Variants in GALNT18 observed in about 807,000 individuals in gnomAD.
GALNT18 encodes GalNAc-transferase 18.
In GALNT18, 44 loss-of-function variants were observed where a neutral mutation model predicts 69.5. The observed-to-expected ratio is 0.63, with a 90% CI of 0.50 to 0.81. The LOEUF (loss-of-function observed/expected upper bound fraction) is 0.81. GALNT18 is among the 40% of genes least tolerant of loss of function. The pLI is 0.00. For synonymous variants in GALNT18, 364 were observed against 318.2 expected, an observed-to-expected ratio of 1.14 and a Z score of -1.53; for missense variants, 715 against 810.0, an observed-to-expected ratio of 0.88 and a Z score of 1.42.
rs1411357710 is a variant in GALNT18, at chr11:11,337,960, GATTTTTTT to G, written c.1278+2851_1278+2858del. 1.5e-5 allele frequency among the ~76,000 whole-genome samples: 2 copies of G among 134,996 alleles called. No individual in the cohort carries two copies. Among genetic ancestry groups the G allele is most frequent in the Admixed American group, 7.9e-5 (1 of 12,720 alleles). 88.6% of individuals were successfully genotyped at this position (134,996 alleles called of 152,430 possible). ...TTGTACATAGCAGGAGTCATTTAAA[GATTTTTTT>G]TTTTTTTTTTTTTTTGAGACAGTCT... On this transcript the variant is annotated intron_variant, in intron 7 of 10. Coordinates refer to ENST00000227756, the MANE Select transcript of GALNT18 (RefSeq NM_198516.3). This position sits in a 1 kb window ranked among gnomAD's most constrained non-coding sequence, Gnocchi z 4.9.
intron 1 of GALNT18, among the ~76,000 whole-genome samples, chr11:11,460,659 G>A (rs555077251): frequency 1.0e-4 from 15 of 149,466 alleles, no homozygotes; most frequent in African/African-American, 3.6e-4. Flanking sequence ...TGAGGCAGTC[G>A]CCCTCCTGCC....
In GALNT18 at chr11:11,480,258, CTCTCTCTT is replaced by C. The variant is rs1433783078; in HGVS notation, c.236-31330_236-31323del. Among the ~76,000 whole-genome samples the C allele has an allele frequency of 5.9e-5, 9 of 152,082 alleles. No individual in the cohort carries two copies. Reference sequence around the variant, plus strand: ...TTTCTTTCTTCCTTCCTTCCTCTCTCTCTCTCTTTCTCTCTCTCTCGCCCCCCTCGCCC... The same window carrying C: ...TTTCTTTCTTCCTTCCTTCCTCTCTCTCTCTCTCTCTCGCCCCCCTCGCCC... On this transcript the variant is annotated intron_variant, in intron 1 of 10. Coordinates refer to ENST00000227756, the MANE Select transcript of GALNT18 (RefSeq NM_198516.3). The surrounding 1 kb of genome is among the most constrained non-coding windows in gnomAD (Gnocchi z 4.6).
chr11:11,483,847 C>T (rs1022261263), intron 1 of GALNT18, among the ~76,000 whole-genome samples: 9 of 152,024 alleles, frequency 5.9e-5, no homozygotes, highest in African/African-American at 1.9e-4. Flanking sequence ...TATCCGTGGG[C>T]GAGTTGGTAT....
chr11:11,514,531 A>T (rs895102704), intron 1 of GALNT18, among the ~76,000 whole-genome samples: 3 of 152,182 alleles, frequency 2.0e-5, no homozygotes, highest in African/African-American at 7.2e-5. Flanking sequence ...TAAATGTGAA[A>T]TTTCACATTT....
intron 1 of GALNT18, among the ~76,000 whole-genome samples, chr11:11,526,792 A>G (rs1307731068): frequency 6.6e-6 from 1 of 152,178 alleles, no homozygotes; most frequent in African/African-American, 2.4e-5. Flanking sequence ...GCTCACATTT[A>G]TTTAGCCAAA....
intron 1 of GALNT18, among the ~76,000 whole-genome samples, chr11:11,553,264 C>T (rs1858245176): frequency 6.6e-6 from 1 of 152,204 alleles, no homozygotes; most frequent in Admixed American, 6.5e-5. Context: ...GTTATCTTCC[C>T]ATGCCACCAG....
At chr11:11,471,121 C>G (rs957633294) in intron 1 of GALNT18, among the ~76,000 whole-genome samples, 1 of 152,098 alleles carries the variant, frequency 6.6e-6, no homozygotes, top group African/African-American at 2.4e-5. Context: ...TCATTTCCCC[C>G]ACTTGCTTCC....
At chr11:11,419,937 G>A (rs1388608837) in intron 3 of GALNT18, among the ~76,000 whole-genome samples, 1 of 152,102 alleles carries the variant, frequency 6.6e-6, no homozygotes, top group Non-Finnish European at 1.5e-5. Context: ...CTGGTTCCCT[G>A]CTGCCTCCCT....
rs1233449558 is a variant in GALNT18 at position 11,314,112 on chromosome 11, A to G, written c.1512+12974T>C. Among the ~76,000 whole-genome samples, 2 of 152,130 alleles carry G rather than the reference A, an allele frequency of 1.3e-5. No homozygotes were observed. The highest frequency in any genetic ancestry group is 1.3e-4 in the Admixed American group (2 of 15,268). ...GGGATCTAAAATTAGCTCCTCTGTC[A>G]CTGGGTTTGGTGACCTGTCCCCAAG... On this transcript the variant is annotated intron_variant, in intron 9 of 10. Transcript: ENST00000227756. The surrounding 1 kb of genome is among the most constrained non-coding windows in gnomAD (Gnocchi z 5.2).
At chr11:11,597,957 A>T (rs2133940722) in intron 1 of GALNT18, among the ~76,000 whole-genome samples, 1 of 152,188 alleles carries the variant, frequency 6.6e-6, no homozygotes, top group South Asian at 2.1e-4. Context: ...ACCGCGCCTG[A>T]CCAATAATTT....
At chr11:11,399,336 G>C (rs542142342) in intron 3 of GALNT18, among the ~76,000 whole-genome samples, 2 of 152,106 alleles carry the variant, frequency 1.3e-5, no homozygotes, top group Admixed American at 6.5e-5. Flanking sequence ...GTTTGTTATA[G>C]TAGCCCAAAG....
chr11:11,278,598 C>T (rs11021745), intron 10 of GALNT18, among the ~76,000 whole-genome samples: 22,320 of 151,490 alleles, frequency 0.15, 1,852 homozygotes, highest in South Asian at 0.23. Context: ...CACAGAAAGA[C>T]AAATTTTAAG....
rs188621626 is a variant in GALNT18 at position 11,408,656 on chromosome 11, C to A, written c.595+23965G>T. ...TCTCTGTGGGGAACTGGCAAGGCACCCACACCTGCATCGTAGGCAGGAGGG... is the reference window on the plus strand; with the variant it reads ...TCTCTGTGGGGAACTGGCAAGGCACACACACCTGCATCGTAGGCAGGAGGG... On this transcript the variant is annotated intron_variant, in intron 3 of 10. Coordinates refer to ENST00000227756, the MANE Select transcript of GALNT18 (RefSeq NM_198516.3). Among the ~76,000 whole-genome samples, 15 of 152,230 alleles carry A rather than the reference C, an allele frequency of 9.9e-5. 1 individual carries two copies. In the South Asian group the frequency reaches 2.9e-3, roughly 30 times the overall value.
chr11:11,427,543 G>A (rs1464641660), intron 3 of GALNT18, among the ~76,000 whole-genome samples: 2 of 152,254 alleles, frequency 1.3e-5, no homozygotes, highest in South Asian at 2.1e-4. Context: ...CCCTTCCATT[G>A]TGTTATCTCA....
intron 8 of GALNT18, among the ~76,000 whole-genome samples, chr11:11,330,129 A>G (rs1849992839): frequency 6.6e-6 from 1 of 152,166 alleles, no homozygotes; most frequent in Non-Finnish European, 1.5e-5. Context: ...GATGGGGCCC[A>G]CAGGTCCTTA....
intron 1 of GALNT18, among the ~76,000 whole-genome samples, chr11:11,612,918 A>C (rs1859947676): frequency 1.3e-5 from 2 of 152,230 alleles, no homozygotes; most frequent in Non-Finnish European, 2.9e-5. Context: ...AAAGTAGCCC[A>C]GCAAAGTATG....
At position 11,286,531 on chromosome 11, in the gene GALNT18, C is replaced by T. The variant is rs191607374; in HGVS notation, c.1677+6498G>A. 4.1e-4 allele frequency among the ~76,000 whole-genome samples: 62 copies of T among 152,174 alleles called. No individual in the cohort carries two copies. The South Asian group carries it at 7.5e-3, about 18-fold the overall frequency. ...CAGTGAGCATGCATGCATCCGAGGA[C>T]GGTCATTGAGGTAGGATTTTGTTCA... On this transcript the variant is annotated intron_variant, in intron 10 of 10. Coordinates refer to ENST00000227756, the MANE Select transcript of GALNT18 (RefSeq NM_198516.3).
At chr11:11,607,186 G>A (rs922275254) in intron 1 of GALNT18, among the ~76,000 whole-genome samples, 6 of 152,274 alleles carry the variant, frequency 3.9e-5, no homozygotes, top group Admixed American at 2.0e-4. Flanking sequence ...TTACAAACTC[G>A]AAAATACTTA....
At chr11:11,329,227 T>C (rs1327605494) in intron 8 of GALNT18, among the ~76,000 whole-genome samples, 2 of 152,208 alleles carry the variant, frequency 1.3e-5, no homozygotes, top group African/African-American at 4.8e-5. Flanking sequence ...AATGTTGCAA[T>C]AATTGTTGGC....
Sources: gnomAD v4.1 joint callset for allele counts (sites outside exome capture counted in the v4.1 genomes callset) on GRCh38, gnomAD v4.1.1 for gene constraint, Gnocchi (gnomAD v3.1) non-coding constraint, MANE v1.5 for transcripts, NCBI Gene and HGNC (gene_info 2026-07-23, HGNC 2026-07-21) for gene names.